FBN2: variants seen among roughly 807,000 people sequenced by gnomAD.
FBN2 encodes the protein fibrillin-2.
In FBN2, 105 loss-of-function variants were observed where a neutral mutation model predicts 355.6. That is an observed-to-expected ratio of 0.30 (90% confidence interval 0.25 to 0.35). The LOEUF (loss-of-function observed/expected upper bound fraction) is 0.35. Ranked by LOEUF, FBN2 falls within the 10% of genes least tolerant of loss-of-function variation. The pLI, the probability that FBN2 is intolerant of heterozygous loss-of-function variation, is 1.00. For synonymous variants in FBN2, 1,350 were observed against 1,301.2 expected (o/e 1.04, Z -0.81); for missense variants, 3,280 against 3,758.7 (o/e 0.87, Z 3.33).
At chr5:128,441,500 C>T (rs1471786779) in intron 7 of FBN2, among the ~76,000 whole-genome samples, 2 of 152,190 alleles carry the variant, frequency 1.3e-5, no homozygotes, top group African/African-American at 4.8e-5. Context: ...GTTTTTTCAT[C>T]TCTAAGGTGA....
At chr5:128,509,366 C>T (rs186970094) in intron 5 of FBN2, among the ~76,000 whole-genome samples, 30 of 152,178 alleles carry the variant, frequency 2.0e-4, no homozygotes, top group South Asian at 6.2e-4. Flanking sequence ...TCTCATCTCC[C>T]ATTAATCCCA....
At chr5:128,306,086 C>T (rs369543378) in intron 42 of FBN2, 138 bp from the exon 43 acceptor site, 2 of 814,578 alleles carry the variant, frequency 2.5e-6, no homozygotes, top group South Asian at 1.6e-5. Flanking sequence ...ACTAGTATAG[C>T]TAATTTTTTT....
chr5:128,291,891 GTGTA>G (rs1328699451), intron 48 of FBN2, among the ~76,000 whole-genome samples: 6 of 152,076 alleles, frequency 3.9e-5, no homozygotes, highest in Admixed American at 2.0e-4. Flanking sequence ...ATCTTTAGGG[GTGTA>G]TGTATGTCTA....
At position 128,259,430 on chromosome 5, in the gene FBN2, A is replaced by G. The variant is rs1764903236; in HGVS notation, c.*25T>C. Reference sequence around the variant, plus strand: ...TGCAGACTGGCTGTGCTAGGATTTGAGCCTGGGCCCAAGTCTGTGAAGGGT... The same window carrying G: ...TGCAGACTGGCTGTGCTAGGATTTGGGCCTGGGCCCAAGTCTGTGAAGGGT... On this transcript the variant is annotated 3_prime_UTR_variant, in exon 65 of 65. Coordinates refer to ENST00000262464, the MANE Select transcript of FBN2 (RefSeq NM_001999.4). The G allele has an allele frequency of 7.4e-6, 12 of 1,612,228 alleles. No homozygotes were observed. The highest frequency in any genetic ancestry group is 6.7e-5 in the East Asian group (3 of 44,874).
At chr5:128,293,703 T>C (rs1749402079) in intron 48 of FBN2, among the ~76,000 whole-genome samples, 1 of 152,132 alleles carries the variant, frequency 6.6e-6, no homozygotes, top group Admixed American at 6.5e-5. Flanking sequence ...TCTATTTCCC[T>C]CCTAGTGGCT....
intron 5 of FBN2, among the ~76,000 whole-genome samples, chr5:128,517,923 G>A (rs964607592): frequency 6.6e-6 from 1 of 152,202 alleles, no homozygotes; most frequent in African/African-American, 2.4e-5. Context: ...AACAATGAAT[G>A]ATTATGTAAT....
intron 6 of FBN2, among the ~76,000 whole-genome samples, chr5:128,463,797 A>G (rs571996460): frequency 3.9e-5 from 6 of 152,288 alleles, no homozygotes; most frequent in Non-Finnish European, 8.8e-5. Flanking sequence ...CATCAATTTG[A>G]AAGACTTTGG....
chr5:128,294,568 T>G (rs1479649969), intron 48 of FBN2, among the ~76,000 whole-genome samples: 2 of 149,396 alleles, frequency 1.3e-5, no homozygotes, highest in Non-Finnish European at 3.0e-5. Flanking sequence ...TGGTTTTGAT[T>G]TGCATTTCTC....
chr5:128,341,329 G>A (rs1751014682), intron 25 of FBN2, among the ~76,000 whole-genome samples: 2 of 152,200 alleles, frequency 1.3e-5, no homozygotes, highest in Non-Finnish European at 2.9e-5. Context: ...ATCCAGCCCT[G>A]CTTGGATGGT....
intron 5 of FBN2, among the ~76,000 whole-genome samples, chr5:128,496,089 C>T (rs1253387664): frequency 6.6e-6 from 1 of 152,102 alleles, no homozygotes; most frequent in Non-Finnish European, 1.5e-5. Flanking sequence ...GATGGCTTTA[C>T]TGGTAAATTC....
Position 128,273,869 on chromosome 5 carries a change from G to C in FBN2, c.7811C>G (p.Ser2604Cys), listed in dbSNP as rs1212312599. The change falls in exon 61 of 65, where the codon TCT becomes TGT. Residue 2604 changes from serine (S) to cysteine (C), a missense_variant. Coordinates refer to ENST00000262464, the MANE Select transcript of FBN2 (RefSeq NM_001999.4). ...ACAGTTCAGTCCGGTGGCATCAAGAGAGAACCCTCTTTGGCATTCACAGCT... is the reference window on the plus strand; with the variant it reads ...ACAGTTCAGTCCGGTGGCATCAAGACAGAACCCTCTTTGGCATTCACAGCT... ...SFSCECQRGF[S>C]LDATGLNCED... The C allele has an allele frequency of 6.2e-7, 1 of 1,613,924 alleles. No homozygotes were observed. The highest frequency in any genetic ancestry group is 8.5e-7 in the Non-Finnish European group (1 of 1,179,890).
intron 7 of FBN2, among the ~76,000 whole-genome samples, chr5:128,433,043 A>G (rs1424460259): frequency 6.6e-6 from 1 of 152,126 alleles, no homozygotes; most frequent in African/African-American, 2.4e-5. Context: ...CCCTGATCCA[A>G]TCACCTCCCA....
At chr5:128,503,233 C>A (rs560124525) in intron 5 of FBN2, among the ~76,000 whole-genome samples, 1 of 152,182 alleles carries the variant, frequency 6.6e-6, no homozygotes, top group Non-Finnish European at 1.5e-5. Flanking sequence ...TGAGGCCTCC[C>A]AGACATGTGG....
At chr5:128,462,770 A>C (rs930505153) in intron 6 of FBN2, among the ~76,000 whole-genome samples, 1 of 152,208 alleles carries the variant, frequency 6.6e-6, no homozygotes, top group Non-Finnish European at 1.5e-5. Flanking sequence ...AGAAAAGTCA[A>C]TAATTTGGAA....
chr5:128,372,230 AC>A (rs1751962886), intron 15 of FBN2, among the ~76,000 whole-genome samples: 2 of 152,172 alleles, frequency 1.3e-5, no homozygotes, highest in Non-Finnish European at 2.9e-5. Context: ...TTTCTTCCTT[AC>A]TTACTAAACT....
intron 25 of FBN2, among the ~76,000 whole-genome samples, chr5:128,342,852 C>T (rs1751063589): frequency 6.6e-6 from 1 of 152,056 alleles, no homozygotes; most frequent in Non-Finnish European, 1.5e-5. Context: ...CCTCAGCCTC[C>T]CGAGTAGCTG....
chr5:128,379,311 C>T (rs1752168300), intron 11 of FBN2, among the ~76,000 whole-genome samples: 1 of 152,040 alleles, frequency 6.6e-6, no homozygotes, highest in African/African-American at 2.4e-5. Context: ...TACATGTTGT[C>T]ACTGCTATTA....
intron 6 of FBN2, among the ~76,000 whole-genome samples, chr5:128,449,348 T>C (rs1754160012): frequency 9.9e-6 from 1 of 101,042 alleles, no homozygotes. Flanking sequence ...AATTACATAG[T>C]ATACTATATA....
At chr5:128,310,311 T>C (rs563659055) in intron 39 of FBN2, among the ~76,000 whole-genome samples, 137 of 146,612 alleles carry the variant, frequency 9.3e-4, no homozygotes, top group African/African-American at 3.4e-3. Context: ...TATTAAAAAA[T>C]ATAAAGCATC....
Sources: allele counts gnomAD v4.1 joint callset (sites outside exome capture counted in the v4.1 genomes callset), GRCh38; gene constraint gnomAD v4.1.1; transcripts MANE v1.5; gene names NCBI Gene and HGNC (gene_info 2026-07-23, HGNC 2026-07-21).